The following ADCY2 variants were observed in gnomAD, a reference collection of about 807,000 sequenced individuals.
ADCY2 encodes adenylate cyclase type 2.
Under a neutral mutation model 125.2 loss-of-function variants are expected in ADCY2, and 31 were observed. The ratio of observed to expected loss-of-function variants is 0.25; its 90% CI spans 0.19 to 0.33. ADCY2 has a LOEUF of 0.33. Among genes scored for constraint, ADCY2 ranks in the 10% least tolerant of loss-of-function variants. ADCY2 has a pLI of 1.00. For missense variants in ADCY2, 904 were observed against 1,418.2 expected (o/e 0.64, Z 5.82); for synonymous variants, 512 against 548.4 (o/e 0.93, Z 0.93).
At chr5:7,431,623 A>C (rs1409955590) in intron 2 of ADCY2, among the ~76,000 whole-genome samples, 1 of 149,936 alleles carries the variant, frequency 6.7e-6, no homozygotes, top group African/African-American at 2.5e-5. Context: ...TTGTTATGAA[A>C]ATGAAAATGA....
At chr5:7,803,710 G>C (rs1008036549) in intron 21 of ADCY2, among the ~76,000 whole-genome samples, 2 of 152,032 alleles carry the variant, frequency 1.3e-5, no homozygotes, top group African/African-American at 2.4e-5. Context: ...ACCAGCCTGG[G>C]CTACATAGGG....
At chr5:7,417,431 T>C (rs1739997679) in intron 2 of ADCY2, among the ~76,000 whole-genome samples, 1 of 152,192 alleles carries the variant, frequency 6.6e-6, no homozygotes, top group South Asian at 2.1e-4. Flanking sequence ...ATATCCTTAA[T>C]TTACCTTATT....
chr5:7,665,106 C>A (rs180785717), intron 4 of ADCY2, among the ~76,000 whole-genome samples: 2 of 152,300 alleles, frequency 1.3e-5, no homozygotes, highest in East Asian at 3.9e-4. Context: ...CCCCAACCAC[C>A]ATGGACACAT....
chr5:7,644,918 C>T (rs751482309), intron 4 of ADCY2, among the ~76,000 whole-genome samples: 38 of 152,114 alleles, frequency 2.5e-4, no homozygotes, highest in African/African-American at 8.0e-4. Flanking sequence ...AGAACAAGGG[C>T]GAGTCTGTTA....
intron 2 of ADCY2, among the ~76,000 whole-genome samples, chr5:7,473,870 A>G (rs1005828280): frequency 3.9e-5 from 6 of 152,168 alleles, no homozygotes; most frequent in Non-Finnish European, 7.3e-5. Context: ...TTACATCTCA[A>G]TTCCCAGGGT....
At chr5:7,518,034 A>G (rs1352592398) in intron 2 of ADCY2, among the ~76,000 whole-genome samples, 4 of 152,226 alleles carry the variant, frequency 2.6e-5, no homozygotes, top group East Asian at 1.9e-4. Context: ...AATCGAACAT[A>G]CTTTCTGTAA....
At chr5:7,727,912 C>T (rs62342469) in intron 14 of ADCY2, among the ~76,000 whole-genome samples, 17,485 of 152,086 alleles carry the variant, frequency 0.11, 1,097 homozygotes, top group Non-Finnish European at 0.12. Flanking sequence ...CTTTCTCTTG[C>T]ACCTTCTTAA....
At chr5:7,658,121 T>G (rs1220888971) in intron 4 of ADCY2, 1 of 152,188 alleles carries the variant, frequency 6.6e-6, no homozygotes. Context: ...GCCAAAGACT[T>G]TTACTGAACA....
chr5:7,510,842 G>A (rs1744027488), intron 2 of ADCY2, among the ~76,000 whole-genome samples: 1 of 152,210 alleles, frequency 6.6e-6, no homozygotes, highest in African/African-American at 2.4e-5. Flanking sequence ...GTGTCTTTTA[G>A]TGAAGAACAC....
chr5:7,780,057 G>A (rs907318351), intron 18 of ADCY2, among the ~76,000 whole-genome samples: 2 of 152,136 alleles, frequency 1.3e-5, no homozygotes, highest in Non-Finnish European at 2.9e-5. Flanking sequence ...AAATCCACAG[G>A]ATCTGCAACA....
At chr5:7,810,542 C>G (rs532559001) in intron 22 of ADCY2, among the ~76,000 whole-genome samples, 3 of 151,998 alleles carry the variant, frequency 2.0e-5, no homozygotes, top group African/African-American at 7.2e-5. Flanking sequence ...GGTGGATTAT[C>G]TGCTTGATTG....
chr5:7,462,716 G>A (rs561118793), intron 2 of ADCY2, among the ~76,000 whole-genome samples: 9 of 152,332 alleles, frequency 5.9e-5, no homozygotes, highest in African/African-American at 2.2e-4. Flanking sequence ...CTTTATTTTA[G>A]TTCTTTTTCA....
intron 4 of ADCY2, among the ~76,000 whole-genome samples, chr5:7,669,343 C>T (rs556370526): frequency 9.2e-5 from 14 of 152,232 alleles, no homozygotes; most frequent in South Asian, 2.1e-4. Context: ...CAGATGGACA[C>T]GGTAGGTCAG....
chr5:7,433,503 A>G (rs954689064), intron 2 of ADCY2, among the ~76,000 whole-genome samples: 15 of 152,162 alleles, frequency 9.9e-5, no homozygotes, highest in Non-Finnish European at 1.9e-4. Flanking sequence ...AATTACTTTT[A>G]TCACAGTTTT....
In ADCY2 at chr5:7,681,070, T is replaced by A. The variant is rs1039480222; in HGVS notation, c.721-9621T>A. ...TGAGTTTGAGCTGCAGTCATTGAGTTACATTTAATAAAATTCCAGGATCGT... is the reference window on the plus strand; with the variant it reads ...TGAGTTTGAGCTGCAGTCATTGAGTAACATTTAATAAAATTCCAGGATCGT... On this transcript the variant is annotated intron_variant, in intron 4 of 24. Transcript: ENST00000338316. Among the ~76,000 whole-genome samples, 12 of 152,222 alleles carry A rather than the reference T, an allele frequency of 7.9e-5. No individual in the cohort carries two copies. The South Asian group carries it at 8.3e-4, about 11-fold the overall frequency.
Position 7,695,747 on chromosome 5 carries a change from C to A in ADCY2, c.870-5C>A. On this transcript the variant is annotated splice_region_variant and splice_polypyrimidine_tract_variant and intron_variant, in intron 5 of 24. Transcript: ENST00000338316. ...TCTGTCTCCTCACCTCCTTTCTTCC[C>A]ACAGCATCTTATACGCTGACATCGT... is the stretch of plus-strand genomic sequence containing the variant. The A allele has an allele frequency of 1.3e-6, 2 of 1,593,740 alleles. No homozygotes were observed. The highest frequency in any genetic ancestry group is 1.7e-5 in the Admixed American group (1 of 57,272).
chr5:7,763,518 C>T (rs1743298308), intron 16 of ADCY2, among the ~76,000 whole-genome samples: 1 of 152,164 alleles, frequency 6.6e-6, no homozygotes, highest in African/African-American at 2.4e-5. Context: ...CCATCTATCT[C>T]CAGAGCGCTT....
chr5:7,818,289 A>G (rs192052789), intron 23 of ADCY2, among the ~76,000 whole-genome samples: 1 of 152,162 alleles, frequency 6.6e-6, no homozygotes, highest in Admixed American at 6.5e-5. Context: ...TTCACAAATG[A>G]GATGTGTTTC....
intron 4 of ADCY2, among the ~76,000 whole-genome samples, chr5:7,661,189 A>T (rs909112765): frequency 6.6e-6 from 1 of 152,198 alleles, no homozygotes; most frequent in South Asian, 2.1e-4. Flanking sequence ...ACCAGTCATT[A>T]TATATATTTG....
Sources: gnomAD v4.1 joint callset for allele counts (sites outside exome capture counted in the v4.1 genomes callset) on GRCh38, gnomAD v4.1.1 for gene constraint, MANE v1.5 for transcripts, NCBI Gene and HGNC (gene_info 2026-07-23, HGNC 2026-07-21) for gene names.